The following ELFN1 variants were observed in gnomAD, a reference collection of about 807,000 sequenced individuals.
The protein encoded by ELFN1 is extracellular leucine rich repeat and fibronectin type III domain containing 1.
A neutral mutation model predicts 7.6 loss-of-function variants in ELFN1; 6 were observed. The ratio of observed to expected loss-of-function variants is 0.79; its 90% CI spans 0.43 to 1.56. ELFN1 has a LOEUF of 1.56. Ranked by LOEUF, ELFN1 falls within the 40% of genes most tolerant of loss-of-function variation. The probability of loss-of-function intolerance (pLI) is 0.01; values close to 1 mark genes in which losing one functional copy is unlikely to be tolerated. For missense variants in ELFN1, 1,169 were observed against 1,232.2 expected (o/e 0.95, Z 0.77); for synonymous variants, 657 against 588.1 (o/e 1.12, Z -1.70).
intron 2 of ELFN1, among the ~76,000 whole-genome samples, chr7:1,688,404 ACCT>A (rs1222449629): frequency 6.6e-6 from 1 of 152,084 alleles, no homozygotes; most frequent in Non-Finnish European, 1.5e-5. Flanking sequence ...ATCTTTTCTC[ACCT>A]TAAGTTCTTG....
intron 3 of ELFN1, among the ~76,000 whole-genome samples, chr7:1,725,201 A>T (rs1047679587): frequency 2.0e-5 from 3 of 152,248 alleles, no homozygotes; most frequent in African/African-American, 7.2e-5. Context: ...AGTTTGGCCC[A>T]CAGCAGGGGC....
At chr7:1,696,644 C>G (rs1394507566) in intron 2 of ELFN1, among the ~76,000 whole-genome samples, 1 of 152,178 alleles carries the variant, frequency 6.6e-6, no homozygotes, top group Non-Finnish European at 1.5e-5. Context: ...TCAATCAGTC[C>G]TCCTGCCTCA....
At chr7:1,731,269 G>A (rs959800981) in intron 3 of ELFN1, among the ~76,000 whole-genome samples, 1 of 152,158 alleles carries the variant, frequency 6.6e-6, no homozygotes, top group Non-Finnish European at 1.5e-5. Context: ...GGCTCGCAGC[G>A]AGTTTTACAA....
chr7:1,726,668 G>A (rs944013024), intron 3 of ELFN1, among the ~76,000 whole-genome samples: 1 of 152,168 alleles, frequency 6.6e-6, no homozygotes, highest in African/African-American at 2.4e-5. Flanking sequence ...CTACCTCCTG[G>A]ATACAGACAG....
chr7:1,675,839 C>T (rs1778860087), intron 1 of ELFN1, among the ~76,000 whole-genome samples: 3 of 152,226 alleles, frequency 2.0e-5, no homozygotes, highest in African/African-American at 7.2e-5. Flanking sequence ...CGGAGATACC[C>T]ACAGCACAGC....
At position 1,740,902 on chromosome 7, in the gene ELFN1, G is replaced by C. The variant is rs1372251467; in HGVS notation, c.-293-3402G>C. Among the ~76,000 whole-genome samples the C allele has an allele frequency of 2.0e-5, 3 of 152,200 alleles. No homozygotes were observed. The highest frequency in any genetic ancestry group is 4.4e-5 in the Non-Finnish European group (3 of 68,032). On this transcript the variant is annotated intron_variant, in intron 3 of 3. Coordinates refer to ENST00000424383, the MANE Select transcript of ELFN1 (RefSeq NM_001128636.4). The surrounding 1 kb of genome is among the most constrained non-coding windows in gnomAD (Gnocchi z 5.0). ...CCCAGCACTTTGGGAGGCCAAGGCA[G>C]GTGGATCACCTGAGGTCAGGAGTTC... is the stretch of plus-strand genomic sequence containing the variant.
intron 2 of ELFN1, among the ~76,000 whole-genome samples, chr7:1,701,879 C>T (rs1428342468): frequency 6.6e-6 from 1 of 152,010 alleles, no homozygotes; most frequent in Non-Finnish European, 1.5e-5. Context: ...ATGTATAGTT[C>T]TTCTTTTTGC....
At chr7:1,683,333 T>G (rs1330653722) in intron 1 of ELFN1, among the ~76,000 whole-genome samples, 1 of 151,970 alleles carries the variant, frequency 6.6e-6, no homozygotes, top group Non-Finnish European at 1.5e-5. Flanking sequence ...CTTAGTTTAG[T>G]TTTTTTTGTT....
At chr7:1,716,870 A>G (rs1779849939) in intron 3 of ELFN1, among the ~76,000 whole-genome samples, 1 of 152,072 alleles carries the variant, frequency 6.6e-6, no homozygotes, top group African/African-American at 2.4e-5. Flanking sequence ...GAGGAAGGAG[A>G]GTAGGGAGAA....
intron 1 of ELFN1, among the ~76,000 whole-genome samples, chr7:1,678,438 G>A (rs1411180413): frequency 6.6e-6 from 1 of 152,224 alleles, no homozygotes; most frequent in Admixed American, 6.5e-5. Context: ...ACAGCCCGGA[G>A]GGAGGTGCTG....
chr7:1,714,146 C>T (rs537666515), intron 3 of ELFN1, among the ~76,000 whole-genome samples: 1 of 152,350 alleles, frequency 6.6e-6, no homozygotes, highest in Non-Finnish European at 1.5e-5. Context: ...CACAGCTCAT[C>T]GCCCAGTTGA....
chr7:1,724,958 G>GC (rs549724019), intron 3 of ELFN1, among the ~76,000 whole-genome samples: 1 of 152,316 alleles, frequency 6.6e-6, no homozygotes, highest in East Asian at 1.9e-4. Context: ...TGAGGTGCTA[G>GC]CCCCCTCCCC....
intron 3 of ELFN1, among the ~76,000 whole-genome samples, chr7:1,736,126 G>T (rs939384755): frequency 3.9e-5 from 6 of 152,184 alleles, no homozygotes; most frequent in Non-Finnish European, 7.3e-5. Context: ...CAGCCTCATG[G>T]GCTCTGCGGC....
chr7:1,740,678 C>A lies in ELFN1; in HGVS notation c.-293-3626C>A, dbSNP rs1583400571. On this transcript the variant is annotated intron_variant, in intron 3 of 3. Coordinates refer to ENST00000424383, the MANE Select transcript of ELFN1 (RefSeq NM_001128636.4). This position sits in a 1 kb window ranked among gnomAD's most constrained non-coding sequence, Gnocchi z 5.0. ...CTTGGGGACTCCTGGACCCGGGCCACCCCCCGAACCCCTCCTAGCACAGCA... is the reference window on the plus strand; with the variant it reads ...CTTGGGGACTCCTGGACCCGGGCCAACCCCCGAACCCCTCCTAGCACAGCA... Among the ~76,000 whole-genome samples the A allele has an allele frequency of 6.6e-6, 1 of 152,102 alleles. No individual in the cohort carries two copies. Among genetic ancestry groups the A allele is most frequent in the Non-Finnish European group, 1.5e-5 (1 of 68,000 alleles).
At chr7:1,718,722 C>G (rs529017587) in intron 3 of ELFN1, among the ~76,000 whole-genome samples, 1 of 152,262 alleles carries the variant, frequency 6.6e-6, no homozygotes, top group South Asian at 2.1e-4. Context: ...CTCGGTCACA[C>G]TCAAGTTAAT....
intron 1 of ELFN1, among the ~76,000 whole-genome samples, chr7:1,687,807 T>C (rs1779086054): frequency 6.6e-6 from 1 of 152,166 alleles, no homozygotes; most frequent in African/African-American, 2.4e-5. Flanking sequence ...GTGAACACCT[T>C]TTCATAAGTT....
chr7:1,710,013 C>T (rs935707532), intron 3 of ELFN1, among the ~76,000 whole-genome samples: 3 of 152,190 alleles, frequency 2.0e-5, no homozygotes, highest in East Asian at 1.9e-4. Flanking sequence ...GGTCCTGTTC[C>T]GTAGTTTCTT....
intron 2 of ELFN1, among the ~76,000 whole-genome samples, chr7:1,690,366 TGG>T (rs1385984042): frequency 7.0e-6 from 1 of 142,246 alleles, no homozygotes; most frequent in African/African-American, 2.6e-5. Flanking sequence ...GATGGGTGGG[TGG>T]GTGAATGGAT....
At position 1,747,302 on chromosome 7, in the gene ELFN1, C is replaced by CCACACACACACA. The variant is rs143376319; in HGVS notation, c.*241_*252dup. On this transcript the variant is annotated 3_prime_UTR_variant, in exon 4 of 4. Coordinates refer to ENST00000424383, the MANE Select transcript of ELFN1 (RefSeq NM_001128636.4). ...GCTTGTCGCCCCGGGTGGCACGTGT[C>CCACACACACACA]CACACACACACACACACACACACAC... The CCACACACACACA allele has an allele frequency of 3.7e-3, 1,008 of 270,128 alleles. 16 individuals are homozygous for CCACACACACACA. The highest frequency in any genetic ancestry group is 0.011 in the African/African-American group (353 of 31,910). 16.7% of individuals were successfully genotyped at this position (270,128 alleles called of 1,614,324 possible).
Sources: allele counts gnomAD v4.1 joint callset (sites outside exome capture counted in the v4.1 genomes callset), GRCh38; gene constraint gnomAD v4.1.1; non-coding constraint Gnocchi (gnomAD v3.1); transcripts MANE v1.5; gene names NCBI Gene and HGNC (gene_info 2026-07-23, HGNC 2026-07-21).